Variants in PTPRT observed in about 807,000 individuals in gnomAD.
The protein encoded by PTPRT is receptor-type tyrosine-protein phosphatase T.
In PTPRT, 56 loss-of-function variants were observed where a neutral mutation model predicts 176.8. That is an observed-to-expected ratio of 0.32 (90% confidence interval 0.26 to 0.40). The LOEUF (loss-of-function observed/expected upper bound fraction) is 0.40. PTPRT is among the 10% of genes least tolerant of loss of function. PTPRT has a pLI of 1.00. For synonymous variants in PTPRT, 783 were observed against 739.0 expected, an observed-to-expected ratio of 1.06 and a Z score of -0.96; for missense variants, 1,540 against 1,908.2, an observed-to-expected ratio of 0.81 and a Z score of 3.60.
chr20:42,328,272 C>A (rs1429961899), intron 11 of PTPRT, among the ~76,000 whole-genome samples: 1 of 152,112 alleles, frequency 6.6e-6, no homozygotes, highest in African/African-American at 2.4e-5. Context: ...ATTAATTAAG[C>A]ATTCCATAAA....
intron 7 of PTPRT, among the ~76,000 whole-genome samples, chr20:42,648,820 G>GTTTTTTTTTTTGT (rs746084382): frequency 8.9e-6 from 1 of 111,834 alleles, no homozygotes; most frequent in African/African-American, 3.7e-5. Context: ...TGGTGTCGTT[G>GTTTTTTTTTTTGT]TTTTTTTTTT....
chr20:42,985,006 A>C (rs999741848), intron 1 of PTPRT, among the ~76,000 whole-genome samples: 19 of 152,346 alleles, frequency 1.2e-4, no homozygotes, highest in African/African-American at 3.8e-4. Flanking sequence ...CAATTCAGGA[A>C]GAAGGAATGA....
intron 1 of PTPRT, among the ~76,000 whole-genome samples, chr20:42,995,682 C>A (rs1261465155): frequency 6.6e-6 from 1 of 152,170 alleles, no homozygotes; most frequent in Non-Finnish European, 1.5e-5. Context: ...ATCTTACCAT[C>A]CAACTCACTA....
chr20:42,206,290 C>T (rs1348276683), intron 15 of PTPRT, among the ~76,000 whole-genome samples: 5 of 152,266 alleles, frequency 3.3e-5, no homozygotes, highest in African/African-American at 7.2e-5. Context: ...CCAAGATGGC[C>T]GAATAGGAAC....
At chr20:43,072,199 A>T (rs1007750489) in intron 1 of PTPRT, among the ~76,000 whole-genome samples, 2 of 152,254 alleles carry the variant, frequency 1.3e-5, no homozygotes, top group African/African-American at 4.8e-5. Flanking sequence ...GCCAAGAAAC[A>T]ATCCCTGCAA....
chr20:42,571,645 G>A (rs2073156159), intron 7 of PTPRT, among the ~76,000 whole-genome samples: 1 of 152,172 alleles, frequency 6.6e-6, no homozygotes, highest in Non-Finnish European at 1.5e-5. Flanking sequence ...TGGAATTACT[G>A]GATCAGAGGA....
chr20:43,183,294 G>A (rs1214700360), intron 1 of PTPRT, among the ~76,000 whole-genome samples: 2 of 152,154 alleles, frequency 1.3e-5, no homozygotes, highest in African/African-American at 2.4e-5. Context: ...TCATAGTAAC[G>A]CCATTTCCTT....
At chr20:42,699,064 G>A (rs2075931702) in intron 6 of PTPRT, among the ~76,000 whole-genome samples, 1 of 152,138 alleles carries the variant, frequency 6.6e-6, no homozygotes, top group African/African-American at 2.4e-5. Context: ...CTAGTCTCAT[G>A]ATGTTTTCTT....
intron 1 of PTPRT, among the ~76,000 whole-genome samples, chr20:43,143,682 C>CA (rs567291026): frequency 9.1e-4 from 139 of 151,990 alleles, no homozygotes; most frequent in Middle Eastern, 3.4e-3. Context: ...ACTGGGATTC[C>CA]AAAAAAGAGA....
At chr20:42,910,991 C>T (rs2079536588) in intron 1 of PTPRT, among the ~76,000 whole-genome samples, 1 of 152,072 alleles carries the variant, frequency 6.6e-6, no homozygotes, top group African/African-American at 2.4e-5. Flanking sequence ...CCTTATAAAA[C>T]CATCAGATCT....
intron 9 of PTPRT, among the ~76,000 whole-genome samples, chr20:42,389,970 C>A (rs1327076929): frequency 1.3e-5 from 2 of 152,018 alleles, no homozygotes; most frequent in Non-Finnish European, 2.9e-5. Context: ...AGGCGCTAAA[C>A]TGTGACCTAA....
chr20:42,098,363 C>T lies in PTPRT; in HGVS notation c.3846+58G>A. The T allele has an allele frequency of 2.5e-6, 4 of 1,600,684 alleles. No individual in the cohort carries two copies. The South Asian group carries it at 3.4e-5, about 13-fold the overall frequency. On this transcript the variant is annotated intron_variant, in intron 27 of 30. Coordinates refer to ENST00000373187, the MANE Select transcript of PTPRT (RefSeq NM_007050.6). ...GCACCGGCTGTCAAGGGATCTCCCT[C>T]CAGGTTTAGAGCATGGCCCCCCTGA...
At chr20:42,106,115 T>C (rs1390292154) in intron 24 of PTPRT, among the ~76,000 whole-genome samples, 3 of 152,188 alleles carry the variant, frequency 2.0e-5, no homozygotes, top group Non-Finnish European at 4.4e-5. Context: ...CATTGATAAA[T>C]TGGAGATAAT....
intron 9 of PTPRT, among the ~76,000 whole-genome samples, chr20:42,397,303 T>G (rs1290746473): frequency 6.6e-6 from 1 of 152,250 alleles, no homozygotes; most frequent in African/African-American, 2.4e-5. Context: ...GTAATTTTTT[T>G]GTCAACTTTT....
rs1476081659 is a variant in PTPRT, at chr20:43,189,706, T to C, written c.28A>G (p.Ser10Gly). Residue 10 changes from serine to glycine, a missense_variant, in exon 1 of 31, where the codon AGC becomes GGC. Coordinates refer to ENST00000373187, the MANE Select transcript of PTPRT (RefSeq NM_007050.6). This position sits in a 1 kb window ranked among gnomAD's most constrained non-coding sequence, Gnocchi z 5.0. MASLAALAL[S>G]LLLRLQLPPL... ...GGCAGCTGCAGCCTCAGGAGCAGGC[T>C]GAGGGCGAGCGCGGCGAGGCTCGCC... 1.6e-6 allele frequency: 2 copies of C among 1,288,102 alleles called. No individual in the cohort carries two copies. The highest frequency in any genetic ancestry group is 2.0e-6 in the Non-Finnish European group (2 of 1,017,964). 79.8% of individuals were successfully genotyped at this position (1,288,102 alleles called of 1,614,324 possible).
chr20:42,168,147 C>T (rs533376118), intron 16 of PTPRT, among the ~76,000 whole-genome samples: 2 of 144,936 alleles, frequency 1.4e-5, no homozygotes, highest in South Asian at 2.2e-4. Flanking sequence ...TCATTGTCTA[C>T]ACATTGAGTA....
chr20:42,667,783 A>C (rs2146027230), intron 7 of PTPRT, among the ~76,000 whole-genome samples: 1 of 152,340 alleles, frequency 6.6e-6, no homozygotes, highest in African/African-American at 2.4e-5. Flanking sequence ...GCAGTAGTGC[A>C]GTCTCCTTCC....
At chr20:42,646,892 T>TA (rs1347627640) in intron 7 of PTPRT, among the ~76,000 whole-genome samples, 7 of 94,526 alleles carry the variant, frequency 7.4e-5, no homozygotes, top group Non-Finnish European at 1.4e-4. Context: ...CTTTTTTTTT[T>TA]TTTTTTTTTT....
At position 42,078,729 on chromosome 20, in the gene PTPRT, C is replaced by G. The variant is rs1309700831; in HGVS notation, c.*2150G>C. ...GTGCCCGCACTGGGCTGGCCTCCCC[C>G]AGACTGCTTCTCCCAATGCCTTTTC... On this transcript the variant is annotated 3_prime_UTR_variant, in exon 31 of 31. Transcript: ENST00000373187. The G allele has an allele frequency of 1.1e-5, 2 of 178,430 alleles. No individual in the cohort carries two copies. Among genetic ancestry groups the G allele is most frequent in the Admixed American group, 6.3e-5 (1 of 15,846 alleles). 11.1% of individuals were successfully genotyped at this position (178,430 alleles called of 1,614,324 possible).
Sources: gnomAD v4.1 joint callset for allele counts (sites outside exome capture counted in the v4.1 genomes callset) on GRCh38, gnomAD v4.1.1 for gene constraint, Gnocchi (gnomAD v3.1) non-coding constraint, MANE v1.5 for transcripts, NCBI Gene and HGNC (gene_info 2026-07-23, HGNC 2026-07-21) for gene names.